Variants in MMS19 observed in about 807,000 individuals in gnomAD.
The protein encoded by MMS19 is MMS19 cytosolic iron-sulfur assembly component.
In MMS19, 77 loss-of-function variants were observed where a neutral mutation model predicts 129.8. That is an observed-to-expected ratio of 0.59 (90% CI 0.49 to 0.72). The LOEUF is 0.72. Ranked by LOEUF, MMS19 falls within the 30% of genes least tolerant of loss-of-function variation. The probability of loss-of-function intolerance (pLI) is 0.00; values close to 1 mark genes in which losing one functional copy is unlikely to be tolerated. For synonymous variants in MMS19, 491 were observed against 502.8 expected (o/e 0.98, Z 0.31); for missense variants, 1,168 against 1,266.3 (o/e 0.92, Z 1.18).
Position 97,467,529 on chromosome 10 carries a change from G to T in MMS19, c.1273C>A (p.Gln425Lys). 1 of 1,613,900 alleles carries T rather than the reference G, an allele frequency of 6.2e-7. No homozygotes were observed. The highest frequency in any genetic ancestry group is 8.5e-7 in the Non-Finnish European group (1 of 1,179,822). The change falls in exon 14 of 31, where the codon CAG becomes AAG. Residue 425 changes from glutamine (Q) to lysine (K), a missense_variant. Transcript: ENST00000438925. ...EMLLGFLKLQQKWSYEDKDQR... is the reference protein window; with the variant it reads ...EMLLGFLKLQKKWSYEDKDQR... ...CCTTTGTCTTCATAGCTCCATTTCT[G>T]CTGCAGCTTCAAGAAACCCAGGAGC... is the stretch of plus-strand genomic sequence containing the variant.
intron 2 of MMS19, 147 bp from the exon 3 acceptor site, chr10:97,481,189 C>T (rs1338350665): frequency 4.6e-6 from 3 of 651,068 alleles, no homozygotes; most frequent in Non-Finnish European, 8.2e-6. Context: ...GGAAGGTGTT[C>T]CTGAGGTAAC....
chr10:97,493,955 C>T (rs1180263411), intron 1 of MMS19, among the ~76,000 whole-genome samples: 2 of 152,110 alleles, frequency 1.3e-5, no homozygotes, highest in East Asian at 1.9e-4. Flanking sequence ...GCAGAGGTTA[C>T]GGTCAGCAGA....
intron 4 of MMS19, 117 bp downstream of exon 4, chr10:97,478,187 T>C: frequency 2.5e-6 from 2 of 796,276 alleles, no homozygotes; most frequent in Middle Eastern, 3.0e-4. Flanking sequence ...ACTAATTTAG[T>C]CCCACACTTG....
chr10:97,474,835 G>A (rs528493180), intron 8 of MMS19, among the ~76,000 whole-genome samples: 1 of 152,268 alleles, frequency 6.6e-6, no homozygotes, highest in South Asian at 2.1e-4. Context: ...TGGGAAAATG[G>A]ACAGTAGCAG....
At position 97,465,877 on chromosome 10, in the gene MMS19, C is replaced by T. The variant is rs559964542; in HGVS notation, c.1684G>A (p.Val562Ile). The T allele has an allele frequency of 1.6e-5, 26 of 1,613,976 alleles. No homozygotes were observed. In the East Asian group the frequency reaches 5.3e-4, roughly 33 times the overall value. ...TTGACGATGCTGGGATGTGTTGATA[C>T]AGCTGACAAGGCTTGCAGACAGCAC... ...HLCCLQALSA[V>I]STHPSIVKET... Residue 562 changes from valine (V) to isoleucine (I), a missense_variant, in exon 18 of 31, where the codon GTA (valine) becomes ATA (isoleucine). Val to Ile is a conservative substitution (Grantham distance 29, BLOSUM62 3). Coordinates refer to ENST00000438925, the MANE Select transcript of MMS19 (RefSeq NM_022362.5).
rs2035907368 is a variant in MMS19 at position 97,477,066 on chromosome 10, T to G, written c.494-103A>C. ...CTCTGCTATCATTGCCTCCCCTTTCTCTTCAGGGCTGACCCTTTTTCCATT... is the reference window on the plus strand; with the variant it reads ...CTCTGCTATCATTGCCTCCCCTTTCGCTTCAGGGCTGACCCTTTTTCCATT... On this transcript the variant is annotated intron_variant, in intron 6 of 30. Transcript: ENST00000438925. The G allele has an allele frequency of 1.9e-6, 3 of 1,560,268 alleles. No individual in the cohort carries two copies. The South Asian group carries it at 3.7e-5, about 19-fold the overall frequency.
intron 10 of MMS19, among the ~76,000 whole-genome samples, 151 bp from the exon 11 acceptor site, chr10:97,469,874 T>C (rs1438630061): frequency 6.6e-6 from 1 of 152,116 alleles, no homozygotes; most frequent in Non-Finnish European, 1.5e-5. Flanking sequence ...AACAGAGAAG[T>C]AGGAGATAAC....
intron 1 of MMS19, among the ~76,000 whole-genome samples, chr10:97,487,837 C>T: frequency 6.6e-6 from 1 of 152,236 alleles, no homozygotes; most frequent in Non-Finnish European, 1.5e-5. Context: ...CAAAAACAGG[C>T]TGGGCACAGT....
chr10:97,464,422 C>T (rs1417421625), intron 18 of MMS19, among the ~76,000 whole-genome samples: 12 of 152,232 alleles, frequency 7.9e-5, no homozygotes, highest in African/African-American at 2.9e-4. Flanking sequence ...GTAACAGCTG[C>T]TGGATCAACC....
chr10:97,472,936 C>T (rs537738112), intron 8 of MMS19, among the ~76,000 whole-genome samples: 31 of 152,184 alleles, frequency 2.0e-4, no homozygotes, highest in Middle Eastern at 6.8e-3. Context: ...TAGTGCACTA[C>T]AGCCTCAAAC....
intron 3 of MMS19, among the ~76,000 whole-genome samples, chr10:97,478,848 CA>C (rs2036234218): frequency 6.6e-6 from 1 of 151,922 alleles, no homozygotes; most frequent in Admixed American, 6.6e-5. Context: ...TAATGTGTGA[CA>C]TAAATTATTT....
chr10:97,470,109 C>G lies in MMS19; in HGVS notation c.846+20G>C. ...CTTGTCAAAAGGTAGCTGGGTCCTG[C>G]AAGGAGAAAAATCACTCACCAGAGT... On this transcript the variant is annotated intron_variant, in intron 10 of 30. Coordinates refer to ENST00000438925, the MANE Select transcript of MMS19 (RefSeq NM_022362.5). 1.3e-6 allele frequency: 2 copies of G among 1,572,482 alleles called. No individual in the cohort carries two copies. The highest frequency in any genetic ancestry group is 1.7e-6 in the Non-Finnish European group (2 of 1,148,520).
In MMS19 at chr10:97,461,611, A is replaced by T; in HGVS notation, c.2196T>A (p.Pro732=). 1.3e-6 allele frequency: 2 copies of T among 1,598,680 alleles called. No homozygotes were observed. Among genetic ancestry groups the T allele is most frequent in the Non-Finnish European group, 1.7e-6 (2 of 1,172,570 alleles). Residue 732 remains proline (P), a synonymous_variant, in exon 23 of 31, where the codon CCT becomes CCA. Coordinates refer to ENST00000438925, the MANE Select transcript of MMS19 (RefSeq NM_022362.5). ...GCTCCCGCATGAGTTGGTTCAGCTG[A>T]GGGATTTCCACCTACAGAAAACCTG... ...VCSLPRNVEI[P]QLNQLMRELL... is the part of the protein sequence containing the mutation.
At chr10:97,493,110 C>T (rs2039202575) in intron 1 of MMS19, among the ~76,000 whole-genome samples, 1 of 151,898 alleles carries the variant, frequency 6.6e-6, no homozygotes, top group Admixed American at 6.6e-5. Flanking sequence ...CTCCAGGGTT[C>T]AAGTGATTCT....
At chr10:97,481,143 G>T in intron 2 of MMS19, 101 bp from the exon 3 acceptor site, 1 of 767,358 alleles carries the variant, frequency 1.3e-6, no homozygotes, top group Non-Finnish European at 2.2e-6. Context: ...GGGCATGGAA[G>T]CAGAGCCAAG....
chr10:97,478,654 T>C (rs935141967), intron 3 of MMS19, among the ~76,000 whole-genome samples: 2 of 152,158 alleles, frequency 1.3e-5, no homozygotes, highest in African/African-American at 4.8e-5. Context: ...TCTACAGAAC[T>C]AGAGTTCACA....
chr10:97,467,010 C>CCT lies in MMS19; in HGVS notation c.1298-111_1298-110dup, dbSNP rs1255634536. ...GGTAGATTTTTTTTTTGAGACAAGGCCTCTGTTGCCCAGGCTGGAGTGCAG... is the reference window on the plus strand; with the variant it reads ...GGTAGATTTTTTTTTTGAGACAAGGCCTCTCTGTTGCCCAGGCTGGAGTGCAG... On this transcript the variant is annotated intron_variant, in intron 14 of 30. Transcript: ENST00000438925. The CCT allele has an allele frequency of 9.7e-6, 12 of 1,234,414 alleles. No homozygotes were observed. In the Admixed American group the frequency reaches 2.6e-4, roughly 27 times the overall value. 76.5% of individuals were successfully genotyped at this position (1,234,414 alleles called of 1,614,324 possible). A position where few individuals can be genotyped will look rare whatever the true frequency, so the allele number is the denominator to read the frequency against.
rs1172021362 is a variant in MMS19, at chr10:97,477,376, A to G, written c.464T>C (p.Ile155Thr). The G allele has an allele frequency of 6.2e-7, 1 of 1,613,956 alleles. No individual in the cohort carries two copies. The highest frequency in any genetic ancestry group is 8.5e-7 in the Non-Finnish European group (1 of 1,179,886). The change falls in exon 6 of 31, where the codon ATC becomes ACC. Residue 155 changes from isoleucine to threonine, a missense_variant. This residue lies in a region of MMS19 where 329 missense variants were observed against 328.6 expected (regional missense o/e 1.00). Coordinates refer to ENST00000438925, the MANE Select transcript of MMS19 (RefSeq NM_022362.5). ...TTCCCGGGTTCGCATAAAATTGGTGATGATATTGTAGACTGTGTGTCGGTC... is the reference window on the plus strand; with the variant it reads ...TTCCCGGGTTCGCATAAAATTGGTGGTGATATTGTAGACTGTGTGTCGGTC... Reference protein sequence around the residue: ...QVDRHTVYNIITNFMRTREEE... With the variant: ...QVDRHTVYNITTNFMRTREEE...
chr10:97,468,327 T>C lies in MMS19; in HGVS notation c.1143A>G (p.Ala381=). ...SAKLLQAAAG[A]SARACDSVTS... Reference sequence around the variant, plus strand: ...TGACAGAGTCACAGGCCCGGGCAGATGCACCTGCAGCTGCCTGCAACAGCT... The same window carrying C: ...TGACAGAGTCACAGGCCCGGGCAGACGCACCTGCAGCTGCCTGCAACAGCT... The change falls in exon 13 of 31, where the codon GCA becomes GCG. Residue 381 remains alanine (A), a synonymous_variant. Transcript: ENST00000438925. 2 of 1,612,948 alleles carry C rather than the reference T, an allele frequency of 1.2e-6. No individual in the cohort carries two copies. Among genetic ancestry groups the C allele is most frequent in the Non-Finnish European group, 1.7e-6 (2 of 1,179,276 alleles).
Sources: gnomAD v4.1 joint callset for allele counts (sites outside exome capture counted in the v4.1 genomes callset) on GRCh38, gnomAD v4.1.1 for gene constraint, gnomAD v4.1.1 regional missense constraint, MANE v1.5 for transcripts, NCBI Gene and HGNC (gene_info 2026-07-23, HGNC 2026-07-21) for gene names.